PPIL2: variants seen among roughly 807,000 people sequenced by gnomAD.
The protein encoded by PPIL2 is RING-type E3 ubiquitin-protein ligase PPIL2.
Under a neutral mutation model 75.2 loss-of-function variants are expected in PPIL2, and 50 were observed. The ratio of observed to expected loss-of-function variants is 0.66; its 90% CI spans 0.53 to 0.84. PPIL2 has a LOEUF of 0.84. Among genes scored for constraint, PPIL2 ranks in the 40% least tolerant of loss-of-function variants. PPIL2 has a pLI of 0.00. For missense variants in PPIL2, 590 were observed against 685.0 expected, an observed-to-expected ratio of 0.86 and a Z score of 1.55; for synonymous variants, 245 against 258.8, an observed-to-expected ratio of 0.95 and a Z score of 0.51.
intron 6 of PPIL2, among the ~76,000 whole-genome samples, chr22:21,678,443 C>T (rs2066968331): frequency 6.6e-6 from 1 of 152,102 alleles, no homozygotes; most frequent in East Asian, 1.9e-4. Flanking sequence ...GTTGGCCAGG[C>T]TGGTCTCGAA....
intron 1 of PPIL2, among the ~76,000 whole-genome samples, chr22:21,666,417 G>A (rs1314150772): frequency 1.3e-5 from 2 of 152,122 alleles, no homozygotes; most frequent in Non-Finnish European, 2.9e-5. Flanking sequence ...CGCGAGTTTC[G>A]CCCTTGAATG....
chr22:21,667,367 G>A (rs1447167166), intron 1 of PPIL2, among the ~76,000 whole-genome samples: 2 of 152,046 alleles, frequency 1.3e-5, no homozygotes. Flanking sequence ...TGTTGGTCAG[G>A]CTGGTCTCGA....
intron 2 of PPIL2, chr22:21,670,267 A>G: frequency 7.4e-7 from 1 of 1,358,184 alleles, no homozygotes; most frequent in Non-Finnish European, 9.9e-7. Context: ...TATCAAGTTT[A>G]TAAGGAATAA....
Position 21,684,816 on chromosome 22 carries a change from A to G in PPIL2, c.617A>G (p.Glu206Gly), listed in dbSNP as rs2067288110. 1 of 1,614,050 alleles carries G rather than the reference A, an allele frequency of 6.2e-7. No homozygotes were observed. Among genetic ancestry groups the G allele is most frequent in the Admixed American group, 1.7e-5 (1 of 60,000 alleles). Residue 206 changes from glutamate (E) to glycine (G), a missense_variant, in exon 10 of 20, where the codon GAG becomes GGG. Coordinates refer to ENST00000398831, the MANE Select transcript of PPIL2 (RefSeq NM_014337.4). ...YLKNTNAETR[E>G]TLQELYKEFK... ...AAAAATACAAATGCCGAGACCCGAG[A>G]GACCCTGCAGGAGCTCTACAAGGAG...
At position 21,691,409 on chromosome 22, in the gene PPIL2, G is replaced by A. The variant is rs62235103; in HGVS notation, c.1140-2407G>A. ...GATTTTCCAGGAGGAGGCCAGGCGC[G>A]GTGGCTCATGCCTATAATCCCAGCA... On this transcript the variant is annotated intron_variant, in intron 15 of 19. Coordinates refer to ENST00000398831, the MANE Select transcript of PPIL2 (RefSeq NM_014337.4). 2.6e-5 allele frequency among the ~76,000 whole-genome samples: 4 copies of A among 152,134 alleles called. No homozygotes were observed. In the South Asian group the frequency reaches 6.2e-4, roughly 24 times the overall value.
At chr22:21,675,795 G>A (rs946300758) in intron 6 of PPIL2, among the ~76,000 whole-genome samples, 1 of 152,232 alleles carries the variant, frequency 6.6e-6, no homozygotes, top group African/African-American at 2.4e-5. Flanking sequence ...GATGTGGGTG[G>A]TCTGGAGGGA....
intron 5 of PPIL2, chr22:21,673,710 C>G (rs2066724243): frequency 6.6e-6 from 1 of 152,570 alleles, no homozygotes; most frequent in African/African-American, 2.4e-5. Flanking sequence ...CCTTGGCCTG[C>G]TCTGGAAGGG....
chr22:21,696,662 A>C lies in PPIL2; in HGVS notation c.*1172A>C, dbSNP rs761673959. On this transcript the variant is annotated 3_prime_UTR_variant, in exon 20 of 20. Coordinates refer to ENST00000398831, the MANE Select transcript of PPIL2 (RefSeq NM_014337.4). The stretch of plus-strand genomic sequence containing the variant: ...CCCTGTTGCCCTCAGGCCACCCCCC[A>C]CTTCTAGTTCTTCACACTAAGCCCT... 3,213 of 1,527,526 alleles carry C rather than the reference A, an allele frequency of 2.1e-3. 6 individuals are homozygous for C. Among genetic ancestry groups the C allele is most frequent in the Non-Finnish European group, 2.6e-3 (2,939 of 1,142,408 alleles). The allele number at this position is 1,527,526 out of a possible 1,614,324, so 94.6% of individuals were successfully genotyped here. A position where few individuals can be genotyped will look rare whatever the true frequency, so the allele number is the denominator to read the frequency against.
At chr22:21,675,143 G>A in intron 6 of PPIL2, 28 bp downstream of exon 6, 1 of 1,599,204 alleles carries the variant, frequency 6.3e-7, no homozygotes. Context: ...AGCCAATTCT[G>A]GGCTTGACCT....
chr22:21,689,943 G>A (rs948891745), intron 15 of PPIL2, among the ~76,000 whole-genome samples: 2 of 152,212 alleles, frequency 1.3e-5, no homozygotes, highest in Non-Finnish European at 2.9e-5. Context: ...CTGGCCTGTC[G>A]TGGCTTCGCC....
chr22:21,694,584 C>T lies in PPIL2; in HGVS notation c.1197-9C>T. The T allele has an allele frequency of 6.2e-7, 1 of 1,614,020 alleles. No homozygotes were observed. The highest frequency in any genetic ancestry group is 8.5e-7 in the Non-Finnish European group (1 of 1,179,990). Reference sequence around the variant, plus strand: ...CACACGCAGACCCACCTCTGTCTCCCTGCTGCAGGGTTGTTGGGGGCTTTG... The same window carrying T: ...CACACGCAGACCCACCTCTGTCTCCTTGCTGCAGGGTTGTTGGGGGCTTTG... On this transcript the variant is annotated splice_polypyrimidine_tract_variant and intron_variant, in intron 16 of 19. Coordinates refer to ENST00000398831, the MANE Select transcript of PPIL2 (RefSeq NM_014337.4).
intron 9 of PPIL2, 45 bp downstream of exon 9, chr22:21,683,302 G>A: frequency 6.5e-7 from 1 of 1,528,902 alleles, no homozygotes; most frequent in Non-Finnish European, 9.1e-7. Context: ...GCTTTTGGAT[G>A]AAATTGGGAC....
In PPIL2 at chr22:21,670,591, T is replaced by C; in HGVS notation, c.108T>C (p.Arg36=). The C allele has an allele frequency of 6.2e-7, 1 of 1,611,822 alleles. No individual in the cohort carries two copies. The highest frequency in any genetic ancestry group is 8.5e-7 in the Non-Finnish European group (1 of 1,177,862). Residue 36 remains arginine, a synonymous_variant, in exon 3 of 20, where the codon CGT becomes CGC. Coordinates refer to ENST00000398831, the MANE Select transcript of PPIL2 (RefSeq NM_014337.4). ...KPDLPQTNFR[R]LPFDHCSLSL... ...ATCTCCCACAAACAAATTTTCGTCG[T>C]TTACCTTTTGACCACTGCAGGTAAG...
chr22:21,679,639 A>T (rs913098431), intron 6 of PPIL2, among the ~76,000 whole-genome samples: 4 of 150,806 alleles, frequency 2.7e-5, no homozygotes, highest in Admixed American at 2.6e-4. Flanking sequence ...GTCTCAGCCT[A>T]TCGCCTAGGC....
At chr22:21,695,182 G>A (rs928801116) in intron 19 of PPIL2, 112 bp downstream of exon 19, 12 of 1,427,852 alleles carry the variant, frequency 8.4e-6, no homozygotes, top group South Asian at 2.9e-5. Context: ...GGTCCCGGCC[G>A]TGGGCTTGTG....
intron 16 of PPIL2, 84 bp from the exon 17 acceptor site, chr22:21,694,509 C>T (rs1398361685): frequency 2.7e-6 from 4 of 1,497,228 alleles, no homozygotes; most frequent in Non-Finnish European, 3.7e-6. Context: ...GGCTCTCAAC[C>T]CCTCTTCCCA....
At chr22:21,698,309 T>TTCAA (rs1005729609), downstream of PPIL2, 8 of 148,042 alleles carry the variant, frequency 5.4e-5, no homozygotes, top group Middle Eastern at 3.4e-3. Flanking sequence ...GTAAAAAATG[T>TTCAA]TCAATCAATG....
intron 15 of PPIL2, among the ~76,000 whole-genome samples, chr22:21,692,858 G>A (rs1482234114): frequency 2.0e-5 from 3 of 151,112 alleles, no homozygotes; most frequent in East Asian, 2.0e-4. Flanking sequence ...CCTGGGAGGC[G>A]GAGCTTGCAG....
chr22:21,677,292 G>C (rs148768494), intron 6 of PPIL2, among the ~76,000 whole-genome samples: 3,231 of 151,918 alleles, frequency 0.021, 47 homozygotes, highest in African/African-American at 0.038. Context: ...TCCCAGACAG[G>C]GTGGCGGCCG....
Sources: gnomAD v4.1 joint callset for allele counts (sites outside exome capture counted in the v4.1 genomes callset) on GRCh38, gnomAD v4.1.1 for gene constraint, MANE v1.5 for transcripts, NCBI Gene and HGNC (gene_info 2026-07-23, HGNC 2026-07-21) for gene names.